Variants in ATRX observed in about 807,000 individuals in gnomAD.
ATRX encodes the protein chromatin remodeler ATRX.
ATRX carries 12 observed loss-of-function variants against 172.6 expected under a neutral mutation model. The ratio of observed to expected loss-of-function variants is 0.07; its 90% CI spans 0.04 to 0.11. ATRX has a LOEUF of 0.11. ATRX is among the 10% of genes least tolerant of loss of function. The pLI is 1.00. For synonymous variants in ATRX, 674 were observed against 594.7 expected (o/e 1.13, Z -1.94); for missense variants, 1,368 against 1,767.4 (o/e 0.77, Z 4.05).
At chrX:77,684,902 A>T (rs1489194301) in intron 8 of ATRX, 37 bp downstream of exon 8, 2 of 1,116,799 alleles carry the variant, frequency 1.8e-6, no homozygotes, top group Non-Finnish European at 2.5e-6. Context: ...TCCCAAAAGT[A>T]GGAAACACTG....
At position 77,696,669 on chromosome X, in the gene ATRX, T is replaced by G; in HGVS notation, c.278A>C (p.Asp93Ala). ...TTCATCATCCAAAGGTTTTTCATCA[T>G]CTGATTCTACATACTTTGTTACAAT... ...PSIVTKYVES[D>A]DEKPLDDETV... The change falls in exon 5 of 35, where the codon GAT (aspartate) becomes GCT (alanine). Residue 93 changes from aspartate (D) to alanine (A), a missense_variant. By Grantham distance (126) the Asp-to-Ala change is moderately radical (BLOSUM62 -2). This residue lies in a region of ATRX where 84 missense variants were observed against 82.8 expected (regional missense o/e 1.01). Coordinates refer to ENST00000373344, the MANE Select transcript of ATRX (RefSeq NM_000489.6). 8.3e-7 allele frequency: 1 copy of G among 1,199,049 alleles called. No homozygotes were observed. The highest frequency in any genetic ancestry group is 1.8e-5 in the South Asian group (1 of 56,242).
Position 77,622,902 on chromosome X carries a change from T to A in ATRX, c.5135-2370A>T, listed in dbSNP as rs45519934. Among the ~76,000 whole-genome samples the A allele has an allele frequency of 3.6e-3, 397 of 110,215 alleles. 1 individual carries two copies. The highest frequency in any genetic ancestry group is 0.012 in the African/African-American group (361 of 30,289). On this transcript the variant is annotated intron_variant, in intron 19 of 34. Coordinates refer to ENST00000373344, the MANE Select transcript of ATRX (RefSeq NM_000489.6). ...CCTATCAAAACCTCTGGGATACAGCTGAGGCAGTGCTAAGAGGAAAGTTCA... is the reference window on the plus strand; with the variant it reads ...CCTATCAAAACCTCTGGGATACAGCAGAGGCAGTGCTAAGAGGAAAGTTCA...
At chrX:77,554,670 T>C (rs2064701997) in intron 30 of ATRX, among the ~76,000 whole-genome samples, 1 of 111,819 alleles carries the variant, frequency 8.9e-6, no homozygotes, top group Non-Finnish European at 1.9e-5. Context: ...TCCAATTAAA[T>C]ACTAACCATC....
chrX:77,702,348 C>A (rs1313166175), intron 2 of ATRX, among the ~76,000 whole-genome samples: 5 of 111,737 alleles, frequency 4.5e-5, no homozygotes, highest in African/African-American at 1.6e-4. Context: ...TAAGCCGAGG[C>A]AAGAGAATTG....
At chrX:77,599,700 T>C (rs782764461) in intron 24 of ATRX, 32 bp downstream of exon 24, 1 of 1,191,402 alleles carries the variant, frequency 8.4e-7, no homozygotes, top group African/African-American at 1.8e-5. Flanking sequence ...ACTTTGTCAA[T>C]ACAGGATGGC....
chrX:77,613,174 T>C (rs1267002976), intron 22 of ATRX, among the ~76,000 whole-genome samples: 1 of 111,318 alleles, frequency 9.0e-6, no homozygotes, highest in African/African-American at 3.3e-5. Flanking sequence ...CTACAATGTT[T>C]TTCCATAGTA....
chrX:77,776,027 C>G (rs2076339779), intron 1 of ATRX, among the ~76,000 whole-genome samples: 1 of 111,769 alleles, frequency 8.9e-6, no homozygotes, highest in Non-Finnish European at 1.9e-5. Flanking sequence ...CCACTGCACC[C>G]AGCCAAAAAC....
intron 19 of ATRX, among the ~76,000 whole-genome samples, chrX:77,627,510 C>G (rs1039480076): frequency 5.4e-5 from 6 of 110,888 alleles, no homozygotes; most frequent in Non-Finnish European, 9.4e-5. Context: ...AGAAGGATTG[C>G]TTGAGGCCAG....
At chrX:77,587,186 C>CA (rs2066058379) in intron 27 of ATRX, among the ~76,000 whole-genome samples, 1 of 110,659 alleles carries the variant, frequency 9.0e-6, no homozygotes, top group Non-Finnish European at 1.9e-5. Flanking sequence ...ATAATCAGGA[C>CA]AAAAAAAGCC....
chrX:77,637,939 C>CAAA (rs373944111), intron 15 of ATRX, among the ~76,000 whole-genome samples: 45 of 42,803 alleles, frequency 1.1e-3, no homozygotes, highest in Non-Finnish European at 1.5e-3. Context: ...AGCTCCATCT[C>CAAA]AAAAAAAAAA....
chrX:77,683,567 T>C lies in ATRX; in HGVS notation c.1689A>G (p.Leu563=), dbSNP rs782286743. The C allele has an allele frequency of 2.5e-6, 3 of 1,210,746 alleles. No individual in the cohort carries two copies. Among genetic ancestry groups the C allele is most frequent in the Non-Finnish European group, 3.4e-6 (3 of 894,876 alleles). Residue 563 remains leucine, a synonymous_variant, in exon 9 of 35, where the codon TTA becomes TTG. Coordinates refer to ENST00000373344, the MANE Select transcript of ATRX (RefSeq NM_000489.6). ...EQEVESSSVK[L]NISSKDNRGG... is the part of the protein sequence containing the mutation. The stretch of plus-strand genomic sequence containing the variant: ...CTCTGTTGTCTTTTGAAGAAATATT[T>C]AATTTTACAGATGAACTCTCCACTT...
At chrX:77,579,569 CAAG>C (rs782580513) in intron 27 of ATRX, among the ~76,000 whole-genome samples, 1 of 112,130 alleles carries the variant, frequency 8.9e-6, no homozygotes, top group East Asian at 2.8e-4. Context: ...TACAAGGCTG[CAAG>C]AACTACAGCG....
chrX:77,647,929 C>T (rs1466396621), intron 15 of ATRX, among the ~76,000 whole-genome samples: 1 of 111,529 alleles, frequency 9.0e-6, no homozygotes. Context: ...TTCAACCTGG[C>T]TGTATAAATG....
At chrX:77,602,102 C>T (rs782300005) in intron 22 of ATRX, among the ~76,000 whole-genome samples, 1 of 111,890 alleles carries the variant, frequency 8.9e-6, no homozygotes, top group Admixed American at 9.5e-5. Context: ...CTCCTGCGGG[C>T]TCAAGCCATC....
At chrX:77,701,801 G>A (rs957892094) in intron 2 of ATRX, among the ~76,000 whole-genome samples, 2 of 111,518 alleles carry the variant, frequency 1.8e-5, no homozygotes, top group Admixed American at 1.9e-4. Context: ...CGCGGTGGCT[G>A]ATGCCTGTAA....
At chrX:77,698,900 A>G (rs1486853399) in intron 2 of ATRX, 1 of 381,195 alleles carries the variant, frequency 2.6e-6, no homozygotes, top group Non-Finnish European at 4.8e-6. Context: ...ATATTGCAAG[A>G]CATTTCCCAG....
At chrX:77,727,919 G>A (rs1186999733) in intron 1 of ATRX, 2 of 111,953 alleles carry the variant, frequency 1.8e-5, no homozygotes, top group African/African-American at 6.5e-5. Context: ...GATTATGGCA[G>A]AAAAACTCAG....
intron 30 of ATRX, among the ~76,000 whole-genome samples, chrX:77,528,569 T>A (rs2063474170): frequency 3.4e-5 from 2 of 58,928 alleles, no homozygotes; most frequent in South Asian, 1.5e-3. Context: ...GGTGGCGTGA[T>A]TGTTAAAAGA....
chrX:77,551,860 C>A lies in ATRX; in HGVS notation c.6699+5591G>T, dbSNP rs1260932615. Among the ~76,000 whole-genome samples, 3 of 112,067 alleles carry A rather than the reference C, an allele frequency of 2.7e-5. No individual in the cohort carries two copies. The Admixed American group carries it at 2.8e-4, about 11-fold the overall frequency. ...AAGACATTTATGCAGCCAACAGACA[C>A]ATGAAAAAATGCTCATCATCACTGG... On this transcript the variant is annotated intron_variant, in intron 30 of 34. Transcript: ENST00000373344.
Sources: gnomAD v4.1 joint callset for allele counts (sites outside exome capture counted in the v4.1 genomes callset) on GRCh38, gnomAD v4.1.1 for gene constraint, gnomAD v4.1.1 regional missense constraint, MANE v1.5 for transcripts, NCBI Gene and HGNC (gene_info 2026-07-23, HGNC 2026-07-21) for gene names.